CMTM8: variants seen among roughly 807,000 people sequenced by gnomAD.
CMTM8 encodes CKLF-like MARVEL transmembrane domain-containing protein 8.
CMTM8 carries 12 observed loss-of-function variants against 18.6 expected under a neutral mutation model. That is an observed-to-expected ratio of 0.65 (90% CI 0.41 to 1.05). CMTM8 has a LOEUF of 1.05. Ranked by LOEUF, CMTM8 falls within the 50% of genes least tolerant of loss-of-function variation. The probability of loss-of-function intolerance (pLI) is 0.00; values close to 1 mark genes in which losing one functional copy is unlikely to be tolerated. For missense variants in CMTM8, 217 were observed against 227.2 expected (o/e 0.95, Z 0.29); for synonymous variants, 87 against 90.6 (o/e 0.96, Z 0.23).
Position 32,358,688 on chromosome 3 carries a change from C to T in CMTM8, c.321+1142C>T, listed in dbSNP as rs1277235082. 1.3e-5 allele frequency among the ~76,000 whole-genome samples: 2 copies of T among 152,200 alleles called. No homozygotes were observed. Among genetic ancestry groups the T allele is most frequent in the Non-Finnish European group, 2.9e-5 (2 of 68,036 alleles). On this transcript the variant is annotated intron_variant, in intron 2 of 3. Coordinates refer to ENST00000307526, the MANE Select transcript of CMTM8 (RefSeq NM_178868.5). The surrounding 1 kb of genome is among the most constrained non-coding windows in gnomAD (Gnocchi z 4.1). ...ATTTCACAAGGCAGATTGACTGACT[C>T]TTGACCATTTCCCCAAATCCAAAAG...
intron 1 of CMTM8, among the ~76,000 whole-genome samples, chr3:32,244,958 T>A (rs1276053235): frequency 1.3e-5 from 2 of 152,212 alleles, no homozygotes; most frequent in Non-Finnish European, 1.5e-5. Context: ...AAAAATACTT[T>A]AAAAAAATTC....
At position 32,370,100 on chromosome 3, in the gene CMTM8, A is replaced by G; in HGVS notation, c.*133A>G. ...TTTTTATATTCTTAAATTTGCTCAC[A>G]AATTGTGGTTTGTTACAATTAAACT... On this transcript the variant is annotated 3_prime_UTR_variant, in exon 4 of 4. Transcript: ENST00000307526. The G allele has an allele frequency of 2.0e-6, 1 of 492,210 alleles. No individual in the cohort carries two copies. Among genetic ancestry groups the G allele is most frequent in the South Asian group, 3.7e-5 (1 of 27,380 alleles). The allele number at this position is 492,210 out of a possible 1,614,324, so 30.5% of individuals were successfully genotyped here. A position where few individuals can be genotyped will look rare whatever the true frequency, so the allele number is the denominator to read the frequency against.
intron 1 of CMTM8, among the ~76,000 whole-genome samples, chr3:32,252,036 G>C (rs1702116915): frequency 6.6e-6 from 1 of 152,074 alleles, no homozygotes; most frequent in Non-Finnish European, 1.5e-5. Flanking sequence ...GTTGCAGTGA[G>C]CCATGACCGT....
intron 1 of CMTM8, among the ~76,000 whole-genome samples, chr3:32,324,955 C>T (rs1040037173): frequency 6.6e-6 from 1 of 152,252 alleles, no homozygotes; most frequent in African/African-American, 2.4e-5. Flanking sequence ...ACAGAATTCT[C>T]TTGGCCTCAG....
At chr3:32,298,337 G>A (rs374280525) in intron 1 of CMTM8, among the ~76,000 whole-genome samples, 2 of 151,904 alleles carry the variant, frequency 1.3e-5, no homozygotes, top group African/African-American at 4.8e-5. Flanking sequence ...CTCCCTAAGT[G>A]CTGGGATTAC....
intron 1 of CMTM8, among the ~76,000 whole-genome samples, chr3:32,269,837 G>T (rs1202037580): frequency 6.6e-6 from 1 of 151,288 alleles, no homozygotes. Flanking sequence ...GAGTGCAGTG[G>T]CATGATCATA....
intron 1 of CMTM8, among the ~76,000 whole-genome samples, chr3:32,327,870 A>G (rs889649383): frequency 2.0e-5 from 3 of 152,230 alleles, no homozygotes; most frequent in Non-Finnish European, 4.4e-5. Flanking sequence ...CCATGAATAC[A>G]TATATACATT....
chr3:32,266,907 C>A (rs1273076104), intron 1 of CMTM8, among the ~76,000 whole-genome samples: 3 of 152,142 alleles, frequency 2.0e-5, no homozygotes, highest in African/African-American at 2.4e-5. Context: ...TGTGGAGGAC[C>A]TCTTCAAGGA....
chr3:32,286,485 G>A (rs1005850937), intron 1 of CMTM8, among the ~76,000 whole-genome samples: 5 of 152,094 alleles, frequency 3.3e-5, no homozygotes, highest in Non-Finnish European at 4.4e-5. Flanking sequence ...CAAAGTTAAT[G>A]TTCCCCACAA....
intron 1 of CMTM8, among the ~76,000 whole-genome samples, chr3:32,257,527 C>G (rs753872859): frequency 1.3e-5 from 2 of 151,860 alleles, no homozygotes; most frequent in Non-Finnish European, 2.9e-5. Flanking sequence ...CACTTTAAGC[C>G]CAAATTCAAA....
intron 1 of CMTM8, among the ~76,000 whole-genome samples, chr3:32,346,137 A>G (rs969905853): frequency 8.5e-5 from 13 of 152,202 alleles, no homozygotes; most frequent in African/African-American, 3.1e-4. Context: ...CTGGGCAACA[A>G]GAGTGAAACT....
chr3:32,331,747 T>C (rs1411588386), intron 1 of CMTM8, among the ~76,000 whole-genome samples: 1 of 152,182 alleles, frequency 6.6e-6, no homozygotes, highest in African/African-American at 2.4e-5. Context: ...GGATAAACCT[T>C]GAGGACATCA....
intron 2 of CMTM8, among the ~76,000 whole-genome samples, chr3:32,357,813 C>T (rs933531921): frequency 2.6e-5 from 4 of 152,194 alleles, no homozygotes; most frequent in Admixed American, 2.0e-4. Flanking sequence ...CAAGAAAAGC[C>T]AGGTTCTCTC....
intron 1 of CMTM8, among the ~76,000 whole-genome samples, chr3:32,252,039 A>G (rs1300453597): frequency 1.3e-5 from 2 of 152,106 alleles, no homozygotes; most frequent in South Asian, 2.1e-4. Context: ...GCAGTGAGCC[A>G]TGACCGTGCT....
chr3:32,271,714 C>T (rs1224046118), intron 1 of CMTM8, among the ~76,000 whole-genome samples: 1 of 152,070 alleles, frequency 6.6e-6, no homozygotes, highest in African/African-American at 2.4e-5. Context: ...CATTCTCTTT[C>T]TTCTGTTTGT....
chr3:32,307,801 A>G (rs1253897108), intron 1 of CMTM8, among the ~76,000 whole-genome samples: 1 of 152,184 alleles, frequency 6.6e-6, no homozygotes, highest in Non-Finnish European at 1.5e-5. Context: ...GAGTGGAGCC[A>G]TAGAATTTGC....
chr3:32,286,111 T>C (rs1240257406), intron 1 of CMTM8, among the ~76,000 whole-genome samples: 1 of 152,208 alleles, frequency 6.6e-6, no homozygotes, highest in Non-Finnish European at 1.5e-5. Context: ...AAGGGTCAGA[T>C]AGTAGTGGCT....
chr3:32,323,812 C>T (rs1200243335), intron 1 of CMTM8, among the ~76,000 whole-genome samples: 1 of 152,198 alleles, frequency 6.6e-6, no homozygotes, highest in Non-Finnish European at 1.5e-5. Context: ...AAGCGTTTCT[C>T]CACTTTGAAA....
At position 32,341,036 on chromosome 3, in the gene CMTM8, T is replaced by G. The variant is rs117148582; in HGVS notation, c.148-16337T>G. Reference sequence around the variant, plus strand: ...AGAGCAGCATGCTCTCTAACTTAGATGTTTAAGCCATCAGAGCAAATAGGA... The same window carrying G: ...AGAGCAGCATGCTCTCTAACTTAGAGGTTTAAGCCATCAGAGCAAATAGGA... On this transcript the variant is annotated intron_variant, in intron 1 of 3. Transcript: ENST00000307526. Among the ~76,000 whole-genome samples, 6 of 152,376 alleles carry G rather than the reference T, an allele frequency of 3.9e-5. No individual in the cohort carries two copies. The East Asian group carries it at 1.2e-3, about 29-fold the overall frequency.
Sources: allele counts gnomAD v4.1 joint callset (sites outside exome capture counted in the v4.1 genomes callset), GRCh38; gene constraint gnomAD v4.1.1; non-coding constraint Gnocchi (gnomAD v3.1); transcripts MANE v1.5; gene names NCBI Gene and HGNC (gene_info 2026-07-23, HGNC 2026-07-21).